Variants in KHDRBS2 observed in about 807,000 individuals in gnomAD.
KHDRBS2 encodes KH RNA binding domain containing, signal transduction associated 2, also known as KH domain-containing, RNA-binding, signal transduction-associated protein 2.
KHDRBS2 carries 26 observed loss-of-function variants against 44.3 expected under a neutral mutation model. That is an observed-to-expected ratio of 0.59 (90% CI 0.43 to 0.81). KHDRBS2 has a LOEUF of 0.81. KHDRBS2 is among the 40% of genes least tolerant of loss of function. The probability of loss-of-function intolerance (pLI) is 0.00; values close to 1 mark genes in which losing one functional copy is unlikely to be tolerated. For synonymous variants in KHDRBS2, 194 were observed against 151.1 expected (o/e 1.28, Z -2.08); for missense variants, 476 against 433.1 (o/e 1.10, Z -0.88).
At chr6:61,576,600 T>C in the KHDRBS2 span, among the ~76,000 whole-genome samples, 2 of 152,138 alleles carry the variant, frequency 1.3e-5, no homozygotes, top group African/African-American at 4.8e-5. Flanking sequence ...CACAAATTTA[T>C]TTAGGCATAA....
intron 6 of KHDRBS2, among the ~76,000 whole-genome samples, chr6:61,886,028 A>G (rs1430967173): frequency 6.6e-6 from 1 of 151,970 alleles, no homozygotes; most frequent in Non-Finnish European, 1.5e-5. Context: ...CTCCAATACC[A>G]TCCCTGTTGT....
intron 1 of KHDRBS2, among the ~76,000 whole-genome samples, chr6:62,230,523 C>T (rs1832728776): frequency 6.6e-6 from 1 of 152,170 alleles, no homozygotes; most frequent in Non-Finnish European, 1.5e-5. Flanking sequence ...GTGGCTATCA[C>T]AGAAGTTAGA....
At chr6:62,206,126 C>T (rs1288926988) in intron 1 of KHDRBS2, among the ~76,000 whole-genome samples, 2 of 151,958 alleles carry the variant, frequency 1.3e-5, no homozygotes, top group Admixed American at 6.6e-5. Flanking sequence ...CTGAAGAGTC[C>T]GTATACAACA....
chr6:61,615,216 GA>G, the KHDRBS2 span, among the ~76,000 whole-genome samples: 50 of 91,770 alleles, frequency 5.4e-4, no homozygotes, highest in Non-Finnish European at 9.2e-4. Context: ...CTGGGTGACA[GA>G]GCAAGACTCC....
chr6:61,555,231 C>T, the KHDRBS2 span, among the ~76,000 whole-genome samples: 1 of 151,898 alleles, frequency 6.6e-6, no homozygotes, highest in Admixed American at 6.6e-5. Context: ...TTTATTTGAT[C>T]TTCACTGTGT....
intron 6 of KHDRBS2, among the ~76,000 whole-genome samples, chr6:61,844,891 A>G (rs916164902): frequency 2.0e-5 from 3 of 152,112 alleles, no homozygotes; most frequent in African/African-American, 7.2e-5. Context: ...CTTACACTTG[A>G]TCTCTGTTCA....
intron 6 of KHDRBS2, among the ~76,000 whole-genome samples, chr6:61,887,745 C>T (rs904289833): frequency 6.6e-6 from 1 of 152,110 alleles, no homozygotes; most frequent in Non-Finnish European, 1.5e-5. Flanking sequence ...TTAAGAACTC[C>T]TTTGAGATTT....
intron 6 of KHDRBS2, among the ~76,000 whole-genome samples, chr6:61,761,100 G>T (rs1373918159): frequency 6.6e-6 from 1 of 152,142 alleles, no homozygotes; most frequent in Non-Finnish European, 1.5e-5. Flanking sequence ...ATGCTATAGG[G>T]AATAGCTATT....
At chr6:62,013,496 T>TTCATAA (rs1190608957) in intron 3 of KHDRBS2, among the ~76,000 whole-genome samples, 1 of 1,232 alleles carries the variant, frequency 8.1e-4, no homozygotes, top group Non-Finnish European at 1.5e-3. Context: ...ATTTTATTAT[T>TTCATAA]TGATTTTAGC....
intron 4 of KHDRBS2, among the ~76,000 whole-genome samples, chr6:61,957,573 C>T (rs1767679352): frequency 6.6e-6 from 1 of 152,104 alleles, no homozygotes; most frequent in African/African-American, 2.4e-5. Context: ...CGTAGTGCTC[C>T]CAGGCTCATT....
chr6:61,646,366 A>G, the KHDRBS2 span, among the ~76,000 whole-genome samples: 1 of 152,202 alleles, frequency 6.6e-6, no homozygotes, highest in Non-Finnish European at 1.5e-5. Context: ...TCCCAGATCC[A>G]GAGGAGTAGG....
intron 4 of KHDRBS2, among the ~76,000 whole-genome samples, chr6:61,909,818 C>T (rs1353069257): frequency 3.9e-5 from 6 of 152,196 alleles, no homozygotes; most frequent in African/African-American, 7.2e-5. Flanking sequence ...CAGGTAATGA[C>T]AGGTGTAGAC....
chr6:62,074,344 T>A (rs1020788802), intron 2 of KHDRBS2, among the ~76,000 whole-genome samples: 3 of 151,910 alleles, frequency 2.0e-5, no homozygotes, highest in African/African-American at 7.2e-5. Context: ...CATTCCTGCA[T>A]GTCTCCCATA....
intron 6 of KHDRBS2, among the ~76,000 whole-genome samples, chr6:61,826,040 T>C (rs571297973): frequency 6.6e-6 from 1 of 152,182 alleles, no homozygotes; most frequent in Non-Finnish European, 1.5e-5. Flanking sequence ...ACAACATAGA[T>C]GTAAAAATAC....
chr6:61,808,986 ATTTC>A (rs1425668415), intron 6 of KHDRBS2, among the ~76,000 whole-genome samples: 6 of 151,950 alleles, frequency 3.9e-5, no homozygotes, highest in Non-Finnish European at 5.9e-5. Flanking sequence ...CGCAATATCT[ATTTC>A]TTTATTTCCA....
At chr6:61,929,528 C>T (rs1359226221) in intron 4 of KHDRBS2, among the ~76,000 whole-genome samples, 1 of 152,160 alleles carries the variant, frequency 6.6e-6, no homozygotes, top group Non-Finnish European at 1.5e-5. Context: ...TAAGACCCCC[C>T]TCAGTCATTC....
intron 6 of KHDRBS2, among the ~76,000 whole-genome samples, chr6:61,838,954 A>G (rs1461224079): frequency 6.6e-6 from 1 of 151,874 alleles, no homozygotes; most frequent in Admixed American, 6.6e-5. Flanking sequence ...ATCCCTGTCT[A>G]CCTCTCCAGG....
At chr6:61,849,972 C>T (rs1486005646) in intron 6 of KHDRBS2, among the ~76,000 whole-genome samples, 1 of 152,026 alleles carries the variant, frequency 6.6e-6, no homozygotes. Flanking sequence ...CTTTGACAAA[C>T]AAAAATATTT....
chr6:62,033,979 G>A (rs756820327), intron 3 of KHDRBS2, among the ~76,000 whole-genome samples: 14 of 151,632 alleles, frequency 9.2e-5, no homozygotes, highest in Non-Finnish European at 1.5e-4. Flanking sequence ...GATGAAAAAG[G>A]AGACATTACA....
Sources: gnomAD v4.1 joint callset for allele counts (sites outside exome capture counted in the v4.1 genomes callset) on GRCh38, gnomAD v4.1.1 for gene constraint, MANE v1.5 for transcripts, NCBI Gene and HGNC (gene_info 2026-07-23, HGNC 2026-07-21) for gene names.